The following THSD4 variants were observed in gnomAD, a reference collection of about 807,000 sequenced individuals.
The protein encoded by THSD4 is thrombospondin type 1 domain containing 4, also known as thrombospondin type-1 domain-containing protein 4.
A neutral mutation model predicts 119.0 loss-of-function variants in THSD4; 69 were observed. The ratio of observed to expected loss-of-function variants is 0.58; its 90% CI spans 0.48 to 0.71. THSD4 has a LOEUF of 0.71. Among genes scored for constraint, THSD4 ranks in the 30% least tolerant of loss-of-function variants. The probability of loss-of-function intolerance (pLI) is 0.00; values close to 1 mark genes in which losing one functional copy is unlikely to be tolerated. For synonymous variants in THSD4, 524 were observed against 540.4 expected (o/e 0.97, Z 0.42); for missense variants, 1,393 against 1,391.1 (o/e 1.00, Z -0.02).
intron 5 of THSD4, among the ~76,000 whole-genome samples, chr15:71,251,862 T>C (rs1446998628): frequency 6.6e-6 from 1 of 152,206 alleles, no homozygotes; most frequent in Non-Finnish European, 1.5e-5. Flanking sequence ...GTTTCCATAA[T>C]ACTATTTGTG....
intron 7 of THSD4, among the ~76,000 whole-genome samples, chr15:71,427,160 T>C (rs116537923): frequency 1.3e-4 from 19 of 151,632 alleles, no homozygotes; most frequent in African/African-American, 3.1e-4. Context: ...TTTAGATTTC[T>C]TTATATATAT....
chr15:71,662,268 GGGGA>G (rs2051325634), intron 8 of THSD4, among the ~76,000 whole-genome samples: 1 of 152,114 alleles, frequency 6.6e-6, no homozygotes, highest in Non-Finnish European at 1.5e-5. Context: ...TTTTACGGGG[GGGGA>G]GGAGGAAGGG....
chr15:71,487,999 A>G (rs973085228), intron 7 of THSD4, among the ~76,000 whole-genome samples: 14 of 152,082 alleles, frequency 9.2e-5, no homozygotes, highest in Admixed American at 8.5e-4. Context: ...TTTTACACAT[A>G]CTTTCTTTTT....
At chr15:71,135,392 C>CAAAA (rs1170278742) in intron 1 of THSD4, among the ~76,000 whole-genome samples, 75 of 122,380 alleles carry the variant, frequency 6.1e-4, no homozygotes, top group East Asian at 1.7e-3. Context: ...TACTAAATGA[C>CAAAA]AAAAAAAAAA....
chr15:71,770,668 A>G (rs1013080816), intron 16 of THSD4, among the ~76,000 whole-genome samples: 3 of 152,190 alleles, frequency 2.0e-5, no homozygotes, highest in African/African-American at 7.2e-5. Flanking sequence ...AAAGAAAAAA[A>G]TCTATAGGAT....
chr15:71,630,125 C>T (rs2050595128), intron 7 of THSD4, among the ~76,000 whole-genome samples: 1 of 152,192 alleles, frequency 6.6e-6, no homozygotes, highest in Non-Finnish European at 1.5e-5. Flanking sequence ...TCTAACTACA[C>T]TCTAAAGTCC....
chr15:71,480,070 T>G (rs1368536928), intron 7 of THSD4, among the ~76,000 whole-genome samples: 1 of 152,194 alleles, frequency 6.6e-6, no homozygotes, highest in Non-Finnish European at 1.5e-5. Flanking sequence ...AGGGTCTCGC[T>G]CTGTCACCCA....
chr15:71,446,908 G>C (rs567484277), intron 7 of THSD4, among the ~76,000 whole-genome samples: 3 of 152,028 alleles, frequency 2.0e-5, no homozygotes, highest in Non-Finnish European at 4.4e-5. Flanking sequence ...AGAAAAACTT[G>C]TCTTTTGTCT....
chr15:71,297,316 TTTTTTTTG>T (rs942301636), intron 6 of THSD4, among the ~76,000 whole-genome samples: 2 of 32,410 alleles, frequency 6.2e-5, no homozygotes, highest in Middle Eastern at 0.01. Context: ...TCTCCTCTTC[TTTTTTTTG>T]TTTGTTTGTT....
chr15:71,377,892 A>ACC lies in THSD4; in HGVS notation c.1016-33794_1016-33793insCC, dbSNP rs1484095302. Among the ~76,000 whole-genome samples, 203 of 83,880 alleles carry ACC rather than the reference A, an allele frequency of 2.4e-3. 2 individuals carry two copies. Among genetic ancestry groups the ACC allele is most frequent in the South Asian group, 7.6e-3 (19 of 2,490 alleles). 55.0% of individuals were successfully genotyped at this position (83,880 alleles called of 152,430 possible). On this transcript the variant is annotated intron_variant, in intron 6 of 17. Transcript: ENST00000261862. Reference sequence around the variant, plus strand: ...AACACACACACACACACACACACACACACACACACACACACACACACAATT... The same window carrying ACC: ...AACACACACACACACACACACACACACCCACACACACACACACACACACAATT...
At chr15:71,726,885 C>T (rs923197713) in intron 8 of THSD4, among the ~76,000 whole-genome samples, 2 of 151,170 alleles carry the variant, frequency 1.3e-5, no homozygotes, top group South Asian at 2.1e-4. Flanking sequence ...TGCAGTGAGA[C>T]GAGATCGCAC....
intron 1 of THSD4, among the ~76,000 whole-genome samples, chr15:71,116,821 G>A (rs553855383): frequency 3.9e-5 from 6 of 152,118 alleles, no homozygotes; most frequent in Admixed American, 6.5e-5. Flanking sequence ...GATTAATATT[G>A]TTGGAGGTGA....
At chr15:71,728,390 G>C (rs945629267) in intron 8 of THSD4, among the ~76,000 whole-genome samples, 159 bp from the exon 9 acceptor site, 4 of 152,214 alleles carry the variant, frequency 2.6e-5, no homozygotes, top group African/African-American at 9.6e-5. Flanking sequence ...ATGTAATCTA[G>C]ATGCCTAATG....
chr15:71,392,409 G>A (rs1413380711), intron 6 of THSD4, among the ~76,000 whole-genome samples: 3 of 152,170 alleles, frequency 2.0e-5, no homozygotes, highest in Non-Finnish European at 4.4e-5. Context: ...GGTAAGAAAA[G>A]CAAGGTTCAT....
intron 6 of THSD4, among the ~76,000 whole-genome samples, chr15:71,330,426 CAGT>C (rs796953351): frequency 1.2e-4 from 18 of 152,274 alleles, no homozygotes; most frequent in African/African-American, 3.9e-4. Flanking sequence ...GTATCATCGT[CAGT>C]AGAGGATGCT....
At chr15:71,523,570 T>A (rs560557920) in intron 7 of THSD4, among the ~76,000 whole-genome samples, 1 of 152,274 alleles carries the variant, frequency 6.6e-6, no homozygotes, top group Non-Finnish European at 1.5e-5. Context: ...GATGCTGATG[T>A]ATTAGGAAGA....
chr15:71,745,642 T>A lies in THSD4; in HGVS notation c.2036+407T>A, dbSNP rs1236226934. ...GTCTCGGGAGAGGTCTTGAACTGTT[T>A]CGGTTTTTTGGTTTTGTTTTTGTTT... On this transcript the variant is annotated intron_variant, in intron 12 of 17. Transcript: ENST00000261862. Among the ~76,000 whole-genome samples the A allele has an allele frequency of 4.6e-5, 7 of 152,168 alleles. No homozygotes were observed. In the East Asian group the frequency reaches 1.4e-3, roughly 29 times the overall value.
chr15:71,612,710 G>A (rs13329645), intron 7 of THSD4, among the ~76,000 whole-genome samples: 24,736 of 152,154 alleles, frequency 0.16, 2,636 homozygotes, highest in East Asian at 0.53. Flanking sequence ...AAGGGTCACA[G>A]TCAGAAAGAG....
intron 6 of THSD4, among the ~76,000 whole-genome samples, chr15:71,356,265 G>T (rs570185383): frequency 6.6e-6 from 1 of 152,072 alleles, no homozygotes; most frequent in Non-Finnish European, 1.5e-5. Context: ...CTCTGCACAC[G>T]GTTGCTTCTG....
Sources: gnomAD v4.1 joint callset for allele counts (sites outside exome capture counted in the v4.1 genomes callset) on GRCh38, gnomAD v4.1.1 for gene constraint, MANE v1.5 for transcripts, NCBI Gene and HGNC (gene_info 2026-07-23, HGNC 2026-07-21) for gene names.